SEC61A2: variants seen among roughly 807,000 people sequenced by gnomAD.
SEC61A2 encodes the protein protein transport protein Sec61 subunit alpha isoform 2.
Under a neutral mutation model 59.9 loss-of-function variants are expected in SEC61A2, and 28 were observed. The observed-to-expected ratio is 0.47, with a 90% CI of 0.35 to 0.64. The LOEUF (loss-of-function observed/expected upper bound fraction) is 0.64, where lower values mean the gene tolerates loss of function less well. Among genes scored for constraint, SEC61A2 ranks in the 30% least tolerant of loss-of-function variants. SEC61A2 has a pLI of 0.01. For synonymous variants in SEC61A2, 202 were observed against 214.4 expected (o/e 0.94, Z 0.50); for missense variants, 340 against 585.9 (o/e 0.58, Z 4.33).
In SEC61A2 at chr10:12,141,898, G is replaced by A. The variant is rs142269968; in HGVS notation, c.142-1219G>A. Among the ~76,000 whole-genome samples the A allele has an allele frequency of 1.1e-3, 170 of 152,246 alleles. 1 individual carries two copies. The highest frequency in any genetic ancestry group is 3.4e-3 in the African/African-American group (142 of 41,516). On this transcript the variant is annotated intron_variant, in intron 3 of 11. Coordinates refer to ENST00000298428, the MANE Select transcript of SEC61A2 (RefSeq NM_018144.4). The stretch of plus-strand genomic sequence containing the variant: ...GACCCGCAAACACTGAAGGAGCTGC[G>A]AAACCAATGAATGAGGGAGACAAAT...
downstream of SEC61A2, chr10:12,166,628 G>A (rs1361532487): frequency 4.6e-6 from 2 of 437,588 alleles, no homozygotes; most frequent in African/African-American, 2.1e-5. Context: ...TCAGGGCCTG[G>A]CTTACCCGCT....
intron 2 of SEC61A2, among the ~76,000 whole-genome samples, chr10:12,134,867 C>T (rs9663717): frequency 0.35 from 52,814 of 150,698 alleles, 9,647 homozygotes; most frequent in East Asian, 0.42. Context: ...TGCAGTGAGC[C>T]GAGACTGCGC....
downstream of SEC61A2, chr10:12,166,368 A>G: frequency 6.3e-6 from 1 of 158,010 alleles, no homozygotes; most frequent in South Asian, 1.8e-4. Flanking sequence ...TTAGAGGCAT[A>G]GGGGAAGGCT....
In SEC61A2 at chr10:12,156,430, G is replaced by C. The variant is rs1834397363; in HGVS notation, c.617-477G>C. On this transcript the variant is annotated intron_variant, in intron 7 of 11. Transcript: ENST00000298428. The surrounding 1 kb of genome is among the most constrained non-coding windows in gnomAD (Gnocchi z 5.2). ...CCACTTCTAACAGATACTGTCCTAAGTGGTTAATACCTAAACTCTGATCCC... is the reference window on the plus strand; with the variant it reads ...CCACTTCTAACAGATACTGTCCTAACTGGTTAATACCTAAACTCTGATCCC... Among the ~76,000 whole-genome samples, 1 of 152,114 alleles carries C rather than the reference G, an allele frequency of 6.6e-6. No homozygotes were observed. The highest frequency in any genetic ancestry group is 2.1e-4 in the South Asian group (1 of 4,824).
intron 1 of SEC61A2, among the ~76,000 whole-genome samples, chr10:12,132,294 C>G (rs573797502): frequency 1.3e-5 from 2 of 150,702 alleles, no homozygotes; most frequent in African/African-American, 4.9e-5. Context: ...GAGGGAGAAT[C>G]CGTCTCAAAA....
chr10:12,168,930 T>C (rs151084347), downstream of SEC61A2, among the ~76,000 whole-genome samples: 2,487 of 152,038 alleles, frequency 0.016, 66 homozygotes, highest in African/African-American at 0.057. This position sits in a 1 kb window ranked among gnomAD's most constrained non-coding sequence, Gnocchi z 4.8. Context: ...GCCTGGCTAA[T>C]TTTTGTATTT....
chr10:12,160,698 T>A lies in SEC61A2; in HGVS notation c.976-232T>A, dbSNP rs1487771255. Reference sequence around the variant, plus strand: ...AGATTTTGTAATATATTACAATTTTTAAAAATGACTCAATATTTTCACAGT... The same window carrying A: ...AGATTTTGTAATATATTACAATTTTAAAAAATGACTCAATATTTTCACAGT... On this transcript the variant is annotated intron_variant, in intron 9 of 11. Coordinates refer to ENST00000298428, the MANE Select transcript of SEC61A2 (RefSeq NM_018144.4). The surrounding 1 kb of genome is among the most constrained non-coding windows in gnomAD (Gnocchi z 4.1). 7.8e-6 allele frequency among the ~76,000 whole-genome samples: 1 copy of A among 128,700 alleles called. No individual in the cohort carries two copies. The highest frequency in any genetic ancestry group is 2.9e-5 in the African/African-American group (1 of 34,768). The allele number at this position is 128,700 out of a possible 152,430, so 84.4% of individuals were successfully genotyped here.
downstream of SEC61A2, chr10:12,169,285 G>T (rs1235255498): frequency 1.9e-6 from 3 of 1,553,918 alleles, no homozygotes; most frequent in Non-Finnish European, 2.6e-6. This position sits in a 1 kb window ranked among gnomAD's most constrained non-coding sequence, Gnocchi z 4.8. Flanking sequence ...GAAGGTGGAA[G>T]GGAGAAGGAA....
downstream of SEC61A2, chr10:12,166,935 T>A (rs887276577): frequency 5.0e-5 from 14 of 278,926 alleles, no homozygotes; most frequent in Non-Finnish European, 8.9e-5. Context: ...TGGTTTAACA[T>A]CAAGATATTA....
intron 9 of SEC61A2, among the ~76,000 whole-genome samples, chr10:12,159,615 A>G (rs1429006915): frequency 6.6e-6 from 1 of 152,130 alleles, no homozygotes; most frequent in African/African-American, 2.4e-5. Context: ...GCTTGAGCCC[A>G]GGAGTTTGAA....
At chr10:12,166,796 C>T (rs1834709576), downstream of SEC61A2, 2 of 478,944 alleles carry the variant, frequency 4.2e-6, no homozygotes, top group Admixed American at 2.3e-5. Flanking sequence ...AAGAAAATGG[C>T]CCAGGAACAC....
At chr10:12,136,625 A>G (rs552302482) in intron 3 of SEC61A2, among the ~76,000 whole-genome samples, 2 of 151,714 alleles carry the variant, frequency 1.3e-5, no homozygotes, top group African/African-American at 4.8e-5. Context: ...TAATTTTTGT[A>G]TTTTTGTTTT....
chr10:12,138,281 G>C (rs899276007), intron 3 of SEC61A2, among the ~76,000 whole-genome samples: 5 of 150,758 alleles, frequency 3.3e-5, no homozygotes, highest in African/African-American at 1.2e-4. Context: ...AAGAAACAAA[G>C]AAAAATACAA....
In SEC61A2 at chr10:12,154,571, CA is replaced by C. The variant is rs1834354389; in HGVS notation, c.463-1203del. On this transcript the variant is annotated intron_variant, in intron 6 of 11. Coordinates refer to ENST00000298428, the MANE Select transcript of SEC61A2 (RefSeq NM_018144.4). The surrounding 1 kb of genome is among the most constrained non-coding windows in gnomAD (Gnocchi z 5.2). ...AGTCCTAACCTCTACATTATTTTGT[CA>C]AAATGTCGAACTTGGTTTTCAAGCA... Among the ~76,000 whole-genome samples the C allele has an allele frequency of 6.6e-6, 1 of 152,082 alleles. No individual in the cohort carries two copies. The highest frequency in any genetic ancestry group is 1.5e-5 in the Non-Finnish European group (1 of 68,030).
chr10:12,169,049 C>A (rs1218081624), downstream of SEC61A2, among the ~76,000 whole-genome samples: 1 of 152,166 alleles, frequency 6.6e-6, no homozygotes, highest in Admixed American at 6.5e-5. The surrounding 1 kb of genome is among the most constrained non-coding windows in gnomAD (Gnocchi z 4.8). Flanking sequence ...AGGCGTGAGC[C>A]ACCGCACCCG....
At position 12,149,354 on chromosome 10, in the gene SEC61A2, G is replaced by C. The variant is rs1473537564; in HGVS notation, c.221-241G>C. On this transcript the variant is annotated intron_variant, in intron 4 of 11. Transcript: ENST00000298428. The surrounding 1 kb of genome is among the most constrained non-coding windows in gnomAD (Gnocchi z 5.2). ...TCCACACACCTCGGCCTCCCAAAGT[G>C]TGGGGACTGCAGGCGTGAGCCACTG... Among the ~76,000 whole-genome samples the C allele has an allele frequency of 1.3e-5, 2 of 152,202 alleles. No individual in the cohort carries two copies. The highest frequency in any genetic ancestry group is 6.5e-5 in the Admixed American group (1 of 15,280).
chr10:12,168,882 C>T (rs1834780403), downstream of SEC61A2, among the ~76,000 whole-genome samples: 1 of 152,110 alleles, frequency 6.6e-6, no homozygotes, highest in African/African-American at 2.4e-5. The surrounding 1 kb of genome is among the most constrained non-coding windows in gnomAD (Gnocchi z 4.8). Context: ...CCTGCCCCAG[C>T]CTCCTGAGTA....
Position 12,155,668 on chromosome 10 carries a change from C to G in SEC61A2, c.463-110C>G. 1 of 1,249,862 alleles carries G rather than the reference C, an allele frequency of 8.0e-7. No homozygotes were observed. The highest frequency in any genetic ancestry group is 1.9e-5 in the Admixed American group (1 of 53,346). The allele number at this position is 1,249,862 out of a possible 1,614,324, so 77.4% of individuals were successfully genotyped here. On this transcript the variant is annotated intron_variant, in intron 6 of 11. Coordinates refer to ENST00000298428, the MANE Select transcript of SEC61A2 (RefSeq NM_018144.4). The surrounding 1 kb of genome is among the most constrained non-coding windows in gnomAD (Gnocchi z 4.3). ...GTCATCACAGTGAGATTGCAACGAT[C>G]AGGCCTTAATATTCAAAACGCCCCT... is the stretch of plus-strand genomic sequence containing the variant.
Position 12,160,846 on chromosome 10 carries a change from A to G in SEC61A2, c.976-84A>G. 8.4e-7 allele frequency: 1 copy of G among 1,183,780 alleles called. No homozygotes were observed. Among genetic ancestry groups the G allele is most frequent in the Non-Finnish European group, 1.2e-6 (1 of 833,338 alleles). The allele number at this position is 1,183,780 out of a possible 1,614,324, so 73.3% of individuals were successfully genotyped here. On this transcript the variant is annotated intron_variant, in intron 9 of 11. Coordinates refer to ENST00000298428, the MANE Select transcript of SEC61A2 (RefSeq NM_018144.4). The surrounding 1 kb of genome is among the most constrained non-coding windows in gnomAD (Gnocchi z 4.1). ...GATGCCTTGAACTTAAAACACTGTC[A>G]TTTCTGAGAAGTTTGAAGTGACATG...
Sources: gnomAD v4.1 joint callset for allele counts (sites outside exome capture counted in the v4.1 genomes callset) on GRCh38, gnomAD v4.1.1 for gene constraint, Gnocchi (gnomAD v3.1) non-coding constraint, MANE v1.5 for transcripts, NCBI Gene and HGNC (gene_info 2026-07-23, HGNC 2026-07-21) for gene names.